KCNK16: variants seen among roughly 807,000 people sequenced by gnomAD.
KCNK16 encodes the protein potassium channel subfamily K member 16.
In KCNK16, 23 loss-of-function variants were observed where a neutral mutation model predicts 23.0. The observed-to-expected ratio is 1.00, with a 90% confidence interval of 0.72 to 1.41. KCNK16 has a LOEUF of 1.41. KCNK16 is among the 40% of genes most tolerant of loss of function. The pLI is 0.00. For synonymous variants in KCNK16, 145 were observed against 153.5 expected (o/e 0.94, Z 0.41); for missense variants, 327 against 365.8 (o/e 0.89, Z 0.87).
Position 39,316,419 on chromosome 6 carries a change from T to C in KCNK16, c.685A>G (p.Ile229Val). The change falls in exon 5 of 5, where the codon ATC becomes GTC. Residue 229 changes from isoleucine (I) to valine (V), a missense_variant. Transcript: ENST00000437525. Reference sequence around the variant, plus strand: ...GCTGCCAGGCTCCGATACACTGAGATATAATGCTTGCTGGGGTCTGTGCCT... The same window carrying C: ...GCTGCCAGGCTCCGATACACTGAGACATAATGCTTGCTGGGGTCTGTGCCT... ...VVGTDPSKHYISVYRSLAAIW... is the reference protein window; with the variant it reads ...VVGTDPSKHYVSVYRSLAAIW... 6.2e-7 allele frequency: 1 copy of C among 1,608,204 alleles called. No homozygotes were observed. The highest frequency in any genetic ancestry group is 8.5e-7 in the Non-Finnish European group (1 of 1,176,262).
chr6:39,316,495 T>A, intron 4 of KCNK16, 53 bp from the exon 5 acceptor site: 2 of 1,532,490 alleles, frequency 1.3e-6, no homozygotes, highest in Admixed American at 2.0e-5. Context: ...CATAGCCACC[T>A]CCAGTTTCCA....
intron 2 of KCNK16, among the ~76,000 whole-genome samples, chr6:39,318,669 A>G (rs2113852963): frequency 6.6e-6 from 1 of 152,284 alleles, no homozygotes. Context: ...AAGTTTCAAA[A>G]TGCTGGGGAA....
chr6:39,317,343 C>T (rs889897987), intron 3 of KCNK16, among the ~76,000 whole-genome samples: 1 of 152,328 alleles, frequency 6.6e-6, no homozygotes, highest in Non-Finnish European at 1.5e-5. Context: ...TTTGCTACTG[C>T]ACAAAAGGAT....
rs2113849824 is a variant in KCNK16, at chr6:39,316,861, C to G, written c.582G>C (p.Val194=). Residue 194 remains valine, a synonymous_variant, in exon 4 of 5, where the codon GTG becomes GTC. Transcript: ENST00000437525. ...AGCCCTCGCTGAAGCTCCAGCCCTC[C>G]ACATGGCTGAAGACCATGGGTGGGA... ...LIFPPMVFSH[V]EGWSFSEGFY... 6.2e-7 allele frequency: 1 copy of G among 1,614,174 alleles called. No homozygotes were observed. Among genetic ancestry groups the G allele is most frequent in the East Asian group, 2.2e-5 (1 of 44,874 alleles).
chr6:39,319,387 T>C lies in KCNK16; in HGVS notation c.214-254A>G, dbSNP rs1178887129. Among the ~76,000 whole-genome samples, 1 of 152,104 alleles carries C rather than the reference T, an allele frequency of 6.6e-6. No homozygotes were observed. The highest frequency in any genetic ancestry group is 2.4e-5 in the African/African-American group (1 of 41,408). On this transcript the variant is annotated intron_variant, in intron 1 of 4. Transcript: ENST00000437525. This position sits in a 1 kb window ranked among gnomAD's most constrained non-coding sequence, Gnocchi z 4.2. Reference sequence around the variant, plus strand: ...GGCCAGGGCTGACTGAGGTGTGGGCTGCAAGCATGGGCTGGGGCGGGAGAT... The same window carrying C: ...GGCCAGGGCTGACTGAGGTGTGGGCCGCAAGCATGGGCTGGGGCGGGAGAT...
At chr6:39,314,664 A>T (rs1562086489), downstream of KCNK16, 1 of 403,364 alleles carries the variant, frequency 2.5e-6, no homozygotes, top group Non-Finnish European at 4.4e-6. Context: ...TGAAATGAAC[A>T]ATGGGAGGGA....
At chr6:39,316,140 A>G, downstream of KCNK16, 1 of 1,436,714 alleles carries the variant, frequency 7.0e-7, no homozygotes, top group Non-Finnish European at 9.1e-7. Flanking sequence ...GAGAGGAGAA[A>G]GCAGGGCTGG....
downstream of KCNK16, chr6:39,314,604 G>A: frequency 2.3e-6 from 1 of 438,018 alleles, no homozygotes; most frequent in Non-Finnish European, 4.0e-6. Context: ...GGAAGCTGCT[G>A]GGTGACCGCA....
At chr6:39,317,709 C>G in intron 3 of KCNK16, 77 bp downstream of exon 3, 3 of 1,435,208 alleles carry the variant, frequency 2.1e-6, no homozygotes, top group African/African-American at 1.4e-5. Context: ...CAAACTCCAT[C>G]TCAGCATCGG....
At position 39,319,548 on chromosome 6, in the gene KCNK16, G is replaced by T. The variant is rs765602892; in HGVS notation, c.214-415C>A. 6.6e-6 allele frequency among the ~76,000 whole-genome samples: 1 copy of T among 152,162 alleles called. No homozygotes were observed. Among genetic ancestry groups the T allele is most frequent in the Non-Finnish European group, 1.5e-5 (1 of 68,040 alleles). ...AGGTTGGGTATGTCTGGAAGGGATT[G>T]CTGGGGAACACAGGGTTTAGGGACC... On this transcript the variant is annotated intron_variant, in intron 1 of 4. Coordinates refer to ENST00000437525, the MANE Select transcript of KCNK16 (RefSeq NM_001135106.2). This position sits in a 1 kb window ranked among gnomAD's most constrained non-coding sequence, Gnocchi z 4.2.
intron 1 of KCNK16, among the ~76,000 whole-genome samples, chr6:39,322,076 CT>C (rs1762532806): frequency 6.6e-6 from 1 of 152,220 alleles, no homozygotes; most frequent in Non-Finnish European, 1.5e-5. Flanking sequence ...TATGGTTATT[CT>C]TGTTGCCTTA....
At chr6:39,320,312 C>G (rs147919411) in intron 1 of KCNK16, among the ~76,000 whole-genome samples, 5 of 152,322 alleles carry the variant, frequency 3.3e-5, no homozygotes, top group Admixed American at 3.3e-4. Flanking sequence ...CCCAACATTC[C>G]CGAACATGCT....
Position 39,322,433 on chromosome 6 carries a change from C to G in KCNK16, c.108G>C (p.Glu36Asp), listed in dbSNP as rs894531413. ...CCCTGGACTGAGCCTCCGCCTGCCT[C>G]TCTAGCAGCTGGAAGATAGTGGCAC... ...LLGATIFQLL[E>D]RQAEAQSRDQ... is the part of the protein sequence containing the mutation. Residue 36 changes from glutamate (E) to aspartate (D), a missense_variant, in exon 1 of 5, where the codon GAG (glutamate) becomes GAC (aspartate). Physicochemically the swap from Glu to Asp is conservative, Grantham distance 45. Coordinates refer to ENST00000437525, the MANE Select transcript of KCNK16 (RefSeq NM_001135106.2). 6.2e-7 allele frequency: 1 copy of G among 1,614,236 alleles called. No homozygotes were observed. The highest frequency in any genetic ancestry group is 1.3e-5 in the African/African-American group (1 of 75,078).
intron 1 of KCNK16, among the ~76,000 whole-genome samples, chr6:39,322,018 CAGCTT>C: frequency 6.6e-6 from 1 of 152,244 alleles, no homozygotes; most frequent in East Asian, 1.9e-4. Context: ...CAGCAAGTGA[CAGCTT>C]AGAGAGTGCT....
intron 1 of KCNK16, among the ~76,000 whole-genome samples, chr6:39,321,727 G>C (rs893744942): frequency 7.9e-5 from 12 of 152,350 alleles, no homozygotes; most frequent in Admixed American, 7.8e-4. Context: ...CTGTTACCAA[G>C]AGAGAGCCCC....
At chr6:39,316,051 C>T (rs1762295144), downstream of KCNK16, 3 of 1,019,420 alleles carry the variant, frequency 2.9e-6, no homozygotes, top group Middle Eastern at 3.3e-4. Flanking sequence ...CTCTCTGTTA[C>T]TTTCTTGGAT....
Position 39,319,087 on chromosome 6 carries a change from G to C in KCNK16, c.260C>G (p.Ser87Cys). ...WVKGVNPKGN[S>C]TNPSNWDFGS... Reference sequence around the variant, plus strand: ...AAAGTCCCAGTTGCTGGGGTTGGTAGAGTTGCCTTTGGGGTTCACACCTTT... The same window carrying C: ...AAAGTCCCAGTTGCTGGGGTTGGTACAGTTGCCTTTGGGGTTCACACCTTT... Residue 87 changes from serine (S) to cysteine (C), a missense_variant, in exon 2 of 5, where the codon TCT becomes TGT. Transcript: ENST00000437525. This position sits in a 1 kb window ranked among gnomAD's most constrained non-coding sequence, Gnocchi z 4.2. 3.1e-6 allele frequency: 5 copies of C among 1,614,130 alleles called. No individual in the cohort carries two copies. The highest frequency in any genetic ancestry group is 4.2e-6 in the Non-Finnish European group (5 of 1,180,006).
At chr6:39,320,301 G>A (rs1182090132) in intron 1 of KCNK16, among the ~76,000 whole-genome samples, 1 of 152,176 alleles carries the variant, frequency 6.6e-6, no homozygotes, top group Non-Finnish European at 1.5e-5. Flanking sequence ...AGTGGCCAGG[G>A]CCCAACATTC....
Position 39,316,507 on chromosome 6 carries a change from A to C in KCNK16, c.662-65T>G, listed in dbSNP as rs9296293. The C allele has an allele frequency of 5.0e-3, 7,523 of 1,512,774 alleles. 165 individuals are homozygous for C. In the African/African-American group the frequency reaches 0.062, roughly 12 times the overall value. 93.7% of individuals were successfully genotyped at this position (1,512,774 alleles called of 1,614,324 possible). A position where few individuals can be genotyped will look rare whatever the true frequency, so the allele number is the denominator to read the frequency against. On this transcript the variant is annotated intron_variant, in intron 4 of 4. Transcript: ENST00000437525. ...GGGCATAGCCACCTCCAGTTTCCAT[A>C]GGGACCCTCACCAGCCAGGATGCTC...
Sources: gnomAD v4.1 joint callset for allele counts (sites outside exome capture counted in the v4.1 genomes callset) on GRCh38, gnomAD v4.1.1 for gene constraint, Gnocchi (gnomAD v3.1) non-coding constraint, MANE v1.5 for transcripts, NCBI Gene and HGNC (gene_info 2026-07-23, HGNC 2026-07-21) for gene names.